OR4F6: variants seen among roughly 807,000 people sequenced by gnomAD.
The protein encoded by OR4F6 is olfactory receptor family 4 subfamily F member 6.
A neutral mutation model predicts 15.9 loss-of-function variants in OR4F6; 13 were observed. That is an observed-to-expected ratio of 0.82 (90% CI 0.53 to 1.30). OR4F6 has a LOEUF of 1.30. OR4F6 is among the 50% of genes most tolerant of loss of function. The pLI is 0.00. For synonymous variants in OR4F6, 150 were observed against 133.8 expected (o/e 1.12, Z -0.83); for missense variants, 426 against 367.2 (o/e 1.16, Z -1.31).
At chr15:101,805,246 C>T (rs1280840503) in intron 1 of OR4F6, among the ~76,000 whole-genome samples, 1 of 152,082 alleles carries the variant, frequency 6.6e-6, no homozygotes, top group Admixed American at 6.6e-5. Flanking sequence ...TTGGTTACCA[C>T]AGTATAAACA....
intron 1 of OR4F6, among the ~76,000 whole-genome samples, chr15:101,804,827 A>G (rs1315583424): frequency 1.3e-5 from 2 of 152,224 alleles, no homozygotes; most frequent in Non-Finnish European, 2.9e-5. Flanking sequence ...AATCTAATAT[A>G]AATCTTTGCT....
chr15:101,805,982 A>G lies in OR4F6; in HGVS notation c.263A>G (p.Lys88Arg). ...AAGATGATTTATGACCTTTTCAGGA[A>G]GCACAAGACCATCTCTTTTGGGGGC... ...APKMIYDLFRKHKTISFGGCV... is the reference protein window; with the variant it reads ...APKMIYDLFRRHKTISFGGCV... Residue 88 changes from lysine to arginine, a missense_variant, in exon 2 of 2, where the codon AAG becomes AGG. Physicochemically the swap from Lys to Arg is conservative, Grantham distance 26 (BLOSUM62 2). Coordinates refer to ENST00000328882, the MANE Select transcript of OR4F6 (RefSeq NM_001005326.2). The G allele has an allele frequency of 6.2e-7, 1 of 1,614,148 alleles. No homozygotes were observed. Among genetic ancestry groups the G allele is most frequent in the Non-Finnish European group, 8.5e-7 (1 of 1,180,030 alleles).
intron 1 of OR4F6, among the ~76,000 whole-genome samples, chr15:101,804,523 A>G (rs950096103): frequency 2.0e-5 from 3 of 152,220 alleles, no homozygotes; most frequent in Admixed American, 6.5e-5. Flanking sequence ...CATGAGCTTC[A>G]GAACACTGCA....
chr15:101,806,374 A>G lies in OR4F6; in HGVS notation c.655A>G (p.Ile219Val). The G allele has an allele frequency of 6.2e-7, 1 of 1,613,970 alleles. No individual in the cohort carries two copies. Among genetic ancestry groups the G allele is most frequent in the Non-Finnish European group, 8.5e-7 (1 of 1,179,944 alleles). ...ASFLILIISY[I>V]FILVTVQKKS... ...TTTTTTAATTCTCATAATCTCTTAC[A>G]TCTTTATTTTGGTGACTGTTCAGAA... Residue 219 changes from isoleucine to valine, a missense_variant, in exon 2 of 2, where the codon ATC becomes GTC. Ile to Val is a conservative substitution (Grantham distance 29). Coordinates refer to ENST00000328882, the MANE Select transcript of OR4F6 (RefSeq NM_001005326.2).
chr15:101,804,133 C>A (rs1902759579), intron 1 of OR4F6, among the ~76,000 whole-genome samples: 1 of 152,064 alleles, frequency 6.6e-6, no homozygotes, highest in South Asian at 2.1e-4. Context: ...TAACAACAGA[C>A]TTCTATAAGG....
rs754120810 is a variant in OR4F6 at position 101,806,097 on chromosome 15, A to G, written c.378A>G (p.Ile126Met). The G allele has an allele frequency of 1.2e-6, 2 of 1,614,042 alleles. No individual in the cohort carries two copies. Among genetic ancestry groups the G allele is most frequent in the African/African-American group, 2.7e-5 (2 of 74,914 alleles). The stretch of plus-strand genomic sequence containing the variant: ...TGGCTTTTGACCGATATGTGGCCAT[A>G]TGTAAGCCTCTCCACTACCTGACCA... ...IAMAFDRYVA[I>M]CKPLHYLTIM... Residue 126 changes from isoleucine (I) to methionine (M), a missense_variant, in exon 2 of 2, where the codon ATA (isoleucine) becomes ATG (methionine). By Grantham distance (10) the Ile-to-Met change is conservative. Coordinates refer to ENST00000328882, the MANE Select transcript of OR4F6 (RefSeq NM_001005326.2).
intron 1 of OR4F6, among the ~76,000 whole-genome samples, chr15:101,804,878 A>C (rs992038019): frequency 6.6e-6 from 1 of 150,706 alleles, no homozygotes; most frequent in Admixed American, 6.6e-5. Context: ...TAAAGATAAA[A>C]CAAAAGTCTT....
chr15:101,803,890 G>C (rs987655831), intron 1 of OR4F6, among the ~76,000 whole-genome samples: 4 of 152,110 alleles, frequency 2.6e-5, no homozygotes, highest in South Asian at 2.1e-4. Flanking sequence ...AACTAGTTTT[G>C]GTATGTTACG....
chr15:101,803,776 C>T (rs1001582071), intron 1 of OR4F6, among the ~76,000 whole-genome samples: 49 of 152,184 alleles, frequency 3.2e-4, no homozygotes, highest in African/African-American at 1.2e-3. Flanking sequence ...GTGACATTTG[C>T]ACAGACGTGT....
chr15:101,804,904 C>A (rs534228139), intron 1 of OR4F6, among the ~76,000 whole-genome samples: 4 of 152,148 alleles, frequency 2.6e-5, no homozygotes, highest in African/African-American at 9.6e-5. Context: ...AAAATTAAAA[C>A]AGTTTTAGGA....
chr15:101,803,613 T>C (rs1312331540), intron 1 of OR4F6, 68 bp downstream of exon 1: 1 of 152,056 alleles, frequency 6.6e-6, no homozygotes, highest in Non-Finnish European at 1.5e-5. Flanking sequence ...CACAGGACAG[T>C]GAGAGGGAGA....
At chr15:101,804,075 C>T (rs1020910764) in intron 1 of OR4F6, among the ~76,000 whole-genome samples, 1 of 152,146 alleles carries the variant, frequency 6.6e-6, no homozygotes, top group African/African-American at 2.4e-5. Flanking sequence ...TTTCTTAACC[C>T]TAAAATGAAA....
In OR4F6 at chr15:101,805,948, A is replaced by C. The variant is rs1461987900; in HGVS notation, c.229A>C (p.Thr77Pro). Residue 77 changes from threonine to proline, a missense_variant, in exon 2 of 2, where the codon ACA becomes CCA. By Grantham distance (38) the Thr-to-Pro change is conservative. Transcript: ENST00000328882. ...SIINLVFCSS[T>P]APKMIYDLFR... ...CATCAATTTGGTATTTTGTTCCTCC[A>C]CAGCTCCCAAGATGATTTATGACCT... 3 of 1,613,918 alleles carry C rather than the reference A, an allele frequency of 1.9e-6. No individual in the cohort carries two copies. The African/African-American group carries it at 4.0e-5, about 22-fold the overall frequency.
chr15:101,804,032 T>C (rs937404051), intron 1 of OR4F6, among the ~76,000 whole-genome samples: 2 of 152,246 alleles, frequency 1.3e-5, no homozygotes, highest in Admixed American at 6.5e-5. Context: ...TCTGGAGCTT[T>C]AGCCGAGTCA....
chr15:101,806,395 C>G lies in OR4F6; in HGVS notation c.676C>G (p.Gln226Glu), dbSNP rs200467669. ...TTACATCTTTATTTTGGTGACTGTT[C>G]AGAAAAAATCTTCAGGTGGTATATT... ...ISYIFILVTV[Q>E]KKSSGGIFKA... is the part of the protein sequence containing the mutation. Residue 226 changes from glutamine to glutamate, a missense_variant, in exon 2 of 2, where the codon CAG becomes GAG. Transcript: ENST00000328882. 11 of 1,613,508 alleles carry G rather than the reference C, an allele frequency of 6.8e-6. No individual in the cohort carries two copies. The highest frequency in any genetic ancestry group is 9.3e-6 in the Non-Finnish European group (11 of 1,179,776).
In OR4F6 at chr15:101,806,867, AAC is replaced by A. The variant is rs1488815056; in HGVS notation, c.*211_*212del. The A allele has an allele frequency of 2.5e-6, 1 of 394,102 alleles. No individual in the cohort carries two copies. The highest frequency in any genetic ancestry group is 2.1e-5 in the African/African-American group (1 of 48,548). The allele number at this position is 394,102 out of a possible 1,614,324, so 24.4% of individuals were successfully genotyped here. A position where few individuals can be genotyped will look rare whatever the true frequency, so the allele number is the denominator to read the frequency against. ...AACAGTGTGGCTACTTTATTTCACC[AAC>A]ATTATTACCTATATATAATGTCAAA... is the stretch of plus-strand genomic sequence containing the variant. On this transcript the variant is annotated 3_prime_UTR_variant, in exon 2 of 2. Coordinates refer to ENST00000328882, the MANE Select transcript of OR4F6 (RefSeq NM_001005326.2).
In OR4F6 at chr15:101,806,569, C is replaced by G; in HGVS notation, c.850C>G (p.Pro284Ala). The change falls in exon 2 of 2, where the codon CCA (proline) becomes GCA (alanine). Residue 284 changes from proline to alanine, a missense_variant. Physicochemically the swap from Pro to Ala is conservative, Grantham distance 27. Coordinates refer to ENST00000328882, the MANE Select transcript of OR4F6 (RefSeq NM_001005326.2). ...FDAVITPVLN[P>A]VIYTFRNKEM... Reference sequence around the variant, plus strand: ...TGCAGTTATCACTCCCGTTTTGAATCCAGTCATCTATACTTTTAGAAATAA... The same window carrying G: ...TGCAGTTATCACTCCCGTTTTGAATGCAGTCATCTATACTTTTAGAAATAA... The G allele has an allele frequency of 1.2e-6, 2 of 1,613,322 alleles. No individual in the cohort carries two copies. Among genetic ancestry groups the G allele is most frequent in the Non-Finnish European group, 1.7e-6 (2 of 1,179,490 alleles).
intron 1 of OR4F6, among the ~76,000 whole-genome samples, 154 bp downstream of exon 1, chr15:101,803,699 A>G (rs1039947341): frequency 6.6e-6 from 1 of 152,226 alleles, no homozygotes; most frequent in Non-Finnish European, 1.5e-5. Context: ...CAACTGAAAT[A>G]TAGAAGGCAG....
intron 1 of OR4F6, among the ~76,000 whole-genome samples, chr15:101,804,400 C>T (rs891589659): frequency 2.0e-5 from 3 of 152,164 alleles, no homozygotes; most frequent in Admixed American, 2.0e-4. Flanking sequence ...GCAACCTGAG[C>T]AGAGGACAGA....
Sources: allele counts gnomAD v4.1 joint callset (sites outside exome capture counted in the v4.1 genomes callset), GRCh38; gene constraint gnomAD v4.1.1; transcripts MANE v1.5; gene names NCBI Gene and HGNC (gene_info 2026-07-23, HGNC 2026-07-21).